HERC5: variants seen among roughly 807,000 people sequenced by gnomAD.
The protein encoded by HERC5 is HECT and RLD domain containing E3 ubiquitin protein ligase 5, also known as E3 ISG15--protein ligase HERC5.
A neutral mutation model predicts 119.6 loss-of-function variants in HERC5; 99 were observed. The observed-to-expected ratio is 0.83, with a 90% CI of 0.70 to 0.98. The LOEUF is 0.98. Among genes scored for constraint, HERC5 ranks in the 50% least tolerant of loss-of-function variants. HERC5 has a pLI of 0.00. For synonymous variants in HERC5, 478 were observed against 445.9 expected, an observed-to-expected ratio of 1.07 and a Z score of -0.91; for missense variants, 1,267 against 1,241.3, an observed-to-expected ratio of 1.02 and a Z score of -0.31.
In HERC5 at chr4:88,504,485, T is replaced by C. The variant is rs778504834; in HGVS notation, c.2767-10T>C. ...ATTTCCTCAATAACTTTTTTTTGTATTTTCTCTAGAATGCACGTTATGAAC... is the reference window on the plus strand; with the variant it reads ...ATTTCCTCAATAACTTTTTTTTGTACTTTCTCTAGAATGCACGTTATGAAC... On this transcript the variant is annotated splice_polypyrimidine_tract_variant and intron_variant, in intron 21 of 22. Transcript: ENST00000264350. The C allele has an allele frequency of 5.7e-6, 9 of 1,571,808 alleles. No homozygotes were observed. The South Asian group carries it at 1.1e-4, about 19-fold the overall frequency.
In HERC5 at chr4:88,466,229, G is replaced by A. The variant is rs536847807; in HGVS notation, c.912-830G>A. Among the ~76,000 whole-genome samples, 57 of 152,050 alleles carry A rather than the reference G, an allele frequency of 3.7e-4. 1 individual carries two copies. The highest frequency in any genetic ancestry group is 7.4e-4 in the Non-Finnish European group (50 of 67,974). ...AGCCTCCTGAGTAGCTGGGACCACAGGTCCACCATGCCCAGCTAATTTTTA... is the reference window on the plus strand; with the variant it reads ...AGCCTCCTGAGTAGCTGGGACCACAAGTCCACCATGCCCAGCTAATTTTTA... On this transcript the variant is annotated intron_variant, in intron 6 of 22. Coordinates refer to ENST00000264350, the MANE Select transcript of HERC5 (RefSeq NM_016323.4).
rs1461502574 is a variant in HERC5, at chr4:88,469,204, G to A, written c.1182G>A (p.Gly394=). 1.2e-6 allele frequency: 2 copies of A among 1,613,554 alleles called. No individual in the cohort carries two copies. The highest frequency in any genetic ancestry group is 1.1e-5 in the South Asian group (1 of 91,046). The change falls in exon 9 of 23, where the codon GGG becomes GGA. Residue 394 remains glycine, a synonymous_variant. Transcript: ENST00000264350. ...GGACAATTCCTACTCTGAATGAAGG[G>A]ACTGTAAAGAGATGGATTGCTGATG... ...LKRTIPTLNE[G]TVKRWIADVE... is the part of the protein sequence containing the mutation.
intron 11 of HERC5, 134 bp downstream of exon 11, chr4:88,472,636 C>G (rs966458347): frequency 1.0e-5 from 7 of 675,982 alleles, no homozygotes; most frequent in African/African-American, 3.6e-5. Flanking sequence ...AAGTTAAACT[C>G]AGATAACATT....
intron 1 of HERC5, chr4:88,457,891 T>G: frequency 9.5e-7 from 1 of 1,048,656 alleles, no homozygotes; most frequent in Non-Finnish European, 1.1e-6. Context: ...CTGTCTCGTT[T>G]TGAGAAAGTA....
Position 88,504,066 on chromosome 4 carries a change from C to CA in HERC5, c.2583-151dup, listed in dbSNP as rs1301930381. ...CAGGTGACAGTGCGAGACTCCGTCT[C>CA]AAAAAAAAAAAAAAATTACATTAGA... On this transcript the variant is annotated intron_variant, in intron 20 of 22. Coordinates refer to ENST00000264350, the MANE Select transcript of HERC5 (RefSeq NM_016323.4). Among the ~76,000 whole-genome samples, 732 of 113,310 alleles carry CA rather than the reference C, an allele frequency of 6.5e-3. 2 individuals are homozygous for CA. Among genetic ancestry groups the CA allele is most frequent in the East Asian group, 0.033 (129 of 3,964 alleles). The allele number at this position is 113,310 out of a possible 152,430, so 74.3% of individuals were successfully genotyped here.
chr4:88,499,538 C>A (rs936196128), intron 18 of HERC5, among the ~76,000 whole-genome samples: 1 of 152,110 alleles, frequency 6.6e-6, no homozygotes, highest in Non-Finnish European at 1.5e-5. Flanking sequence ...TTACTGATAC[C>A]TGAAATTTAA....
At chr4:88,488,475 G>A (rs1430864580) in intron 15 of HERC5, among the ~76,000 whole-genome samples, 27 of 151,810 alleles carry the variant, frequency 1.8e-4, no homozygotes, top group Non-Finnish European at 2.4e-4. Context: ...CAAGTGATCC[G>A]CCCGCCTCAG....
chr4:88,482,748 G>C (rs1741321410), intron 13 of HERC5, among the ~76,000 whole-genome samples: 1 of 152,090 alleles, frequency 6.6e-6, no homozygotes, highest in Non-Finnish European at 1.5e-5. Context: ...TCCTAGGGCT[G>C]TATTCCCAAG....
At chr4:88,475,117 CT>C (rs764084976) in intron 11 of HERC5, among the ~76,000 whole-genome samples, 322 of 109,926 alleles carry the variant, frequency 2.9e-3, no homozygotes, top group Middle Eastern at 0.022. Flanking sequence ...CGGATTTTGT[CT>C]TTTTTTTTTT....
At chr4:88,498,392 AC>A (rs1048146792) in intron 18 of HERC5, among the ~76,000 whole-genome samples, 25 of 152,326 alleles carry the variant, frequency 1.6e-4, no homozygotes, top group Admixed American at 5.9e-4. Flanking sequence ...CCAACCCCAA[AC>A]CCAGTGTGTC....
chr4:88,474,019 A>C (rs1740964919), intron 11 of HERC5: 1 of 152,176 alleles, frequency 6.6e-6, no homozygotes, highest in Non-Finnish European at 1.5e-5. Flanking sequence ...GACCTTTGGC[A>C]TGTGTTCATT....
rs552581952 is a variant in HERC5, at chr4:88,503,105, C to T, written c.2583-1127C>T. 5.9e-5 allele frequency among the ~76,000 whole-genome samples: 9 copies of T among 152,040 alleles called. No individual in the cohort carries two copies. The East Asian group carries it at 1.7e-3, about 29-fold the overall frequency. On this transcript the variant is annotated intron_variant, in intron 20 of 22. Coordinates refer to ENST00000264350, the MANE Select transcript of HERC5 (RefSeq NM_016323.4). ...TATCCTAGGGCTATGAATATATTCC[C>T]CTGTATTTTCTTCTAGAAGCTTATC...
intron 10 of HERC5, among the ~76,000 whole-genome samples, chr4:88,471,948 T>TCCTC (rs895192665): frequency 2.7e-5 from 4 of 148,636 alleles, no homozygotes; most frequent in Admixed American, 6.7e-5. Context: ...CTCCCTTCTT[T>TCCTC]CCTCCCTCCC....
chr4:88,495,880 A>C (rs911638391), intron 18 of HERC5, among the ~76,000 whole-genome samples: 2 of 152,254 alleles, frequency 1.3e-5, no homozygotes, highest in African/African-American at 4.8e-5. Flanking sequence ...AACAATGTAC[A>C]TGAACTAAAA....
In HERC5 at chr4:88,493,017, A is replaced by C; in HGVS notation, c.2139A>C (p.Ser713=). The change falls in exon 17 of 23, where the codon TCA becomes TCC. Residue 713 remains serine, a synonymous_variant. Coordinates refer to ENST00000264350, the MANE Select transcript of HERC5 (RefSeq NM_016323.4). ...NEDLRKELWV[S]FSGEIGYDLG... is the part of the protein sequence containing the mutation. ...TATTTGCTCTGTTTCCTCAGGTTTC[A>C]TTTAGTGGAGAAATTGGGTATGACC... The C allele has an allele frequency of 6.2e-7, 1 of 1,613,838 alleles. No individual in the cohort carries two copies. Among genetic ancestry groups the C allele is most frequent in the South Asian group, 1.1e-5 (1 of 91,052 alleles).
At chr4:88,478,554 A>G (rs1207761286) in intron 12 of HERC5, among the ~76,000 whole-genome samples, 1 of 152,098 alleles carries the variant, frequency 6.6e-6, no homozygotes, top group Admixed American at 6.6e-5. Context: ...TTAATAACAT[A>G]TCGTATTAGG....
In HERC5 at chr4:88,463,579, G is replaced by T; in HGVS notation, c.736G>T (p.Glu246Ter). Residue 246 changes from glutamate to a stop codon, truncating the protein, a stop_gained, in exon 5 of 23, where the codon GAA becomes TAA. Transcript: ENST00000264350. LOFTEE classifies it high-confidence loss of function. ...LIEGLDNQKV[E>*]FVACGGSHSA... ...TGAAGGACTAGACAATCAGAAAGTT[G>T]AATTTGTCGCTTGTGGTGGCTCTCA... 1 of 1,613,786 alleles carries T rather than the reference G, an allele frequency of 6.2e-7. No individual in the cohort carries two copies. The highest frequency in any genetic ancestry group is 8.5e-7 in the Non-Finnish European group (1 of 1,179,896).
chr4:88,458,594 T>A (rs1257200070), intron 1 of HERC5, among the ~76,000 whole-genome samples: 2 of 152,162 alleles, frequency 1.3e-5, no homozygotes, highest in Non-Finnish European at 2.9e-5. Context: ...CATTTCTTAT[T>A]ACCAAACTGT....
At chr4:88,464,099 G>T in intron 6 of HERC5, 114 bp downstream of exon 6, 5 of 751,656 alleles carry the variant, frequency 6.7e-6, no homozygotes, top group East Asian at 3.2e-5. Flanking sequence ...TCAAATCAGT[G>T]AAAATGCTTA....
Sources: allele counts gnomAD v4.1 joint callset (sites outside exome capture counted in the v4.1 genomes callset), GRCh38; gene constraint gnomAD v4.1.1; transcripts MANE v1.5; gene names NCBI Gene and HGNC (gene_info 2026-07-23, HGNC 2026-07-21).